The following DLG2 variants were observed in gnomAD, a reference collection of about 807,000 sequenced individuals.
DLG2 encodes the protein disks large homolog 2.
DLG2 carries 45 observed loss-of-function variants against 132.5 expected under a neutral mutation model. The observed-to-expected ratio is 0.34, with a 90% confidence interval of 0.27 to 0.44. The LOEUF (loss-of-function observed/expected upper bound fraction) is 0.44. DLG2 is among the 20% of genes least tolerant of loss of function. DLG2 has a pLI of 1.00. For synonymous variants in DLG2, 424 were observed against 419.6 expected (o/e 1.01, Z -0.13); for missense variants, 1,045 against 1,196.9 (o/e 0.87, Z 1.87).
rs995814012 is a variant in DLG2 at position 85,425,307 on chromosome 11, G to T, written c.41-139942C>A. 2.6e-5 allele frequency among the ~76,000 whole-genome samples: 4 copies of T among 151,888 alleles called. No homozygotes were observed. The South Asian group carries it at 6.2e-4, about 24-fold the overall frequency. On this transcript the variant is annotated intron_variant, in intron 3 of 27. Coordinates refer to ENST00000376104, the MANE Select transcript of DLG2 (RefSeq NM_001142699.3). ...AACATTTGCTCTATAAATGACAAAA[G>T]GTTAATACTTATAATTTTCAAAAAA...
At chr11:84,351,179 T>C (rs552928119) in intron 7 of DLG2, among the ~76,000 whole-genome samples, 4 of 152,280 alleles carry the variant, frequency 2.6e-5, no homozygotes, top group South Asian at 2.1e-4. Context: ...ATAACACTTA[T>C]CATGGTTTCT....
At chr11:84,477,466 A>C (rs939348183) in intron 7 of DLG2, among the ~76,000 whole-genome samples, 1 of 152,178 alleles carries the variant, frequency 6.6e-6, no homozygotes, top group South Asian at 2.1e-4. Flanking sequence ...TTGTACTCCA[A>C]CCTGGGCAAC....
At chr11:83,585,265 G>A (rs2097062285) in intron 19 of DLG2, among the ~76,000 whole-genome samples, 1 of 152,296 alleles carries the variant, frequency 6.6e-6, no homozygotes, top group Middle Eastern at 3.4e-3. Context: ...GTTAAGATCA[G>A]TTCCCCAACA....
chr11:84,354,675 C>G (rs1231292267), intron 7 of DLG2, among the ~76,000 whole-genome samples: 1 of 152,050 alleles, frequency 6.6e-6, no homozygotes, highest in Non-Finnish European at 1.5e-5. Context: ...CCTAGATCTA[C>G]CACTTTACAT....
At chr11:84,569,819 A>T (rs1036462112) in intron 6 of DLG2, among the ~76,000 whole-genome samples, 1 of 152,234 alleles carries the variant, frequency 6.6e-6, no homozygotes, top group Admixed American at 6.5e-5. Flanking sequence ...AAAGGAGAAG[A>T]CTGGGTCATT....
rs138176533 is a variant in DLG2, at chr11:84,233,223, T to C, written c.573+18015A>G. ...AGGTAACCATCAGGTGATGGTCAGG[T>C]AGTTAACCGCTACTCTAAAATAATA... On this transcript the variant is annotated intron_variant, in intron 8 of 27. Transcript: ENST00000376104. Among the ~76,000 whole-genome samples, 32 of 152,212 alleles carry C rather than the reference T, an allele frequency of 2.1e-4. No homozygotes were observed. In the East Asian group the frequency reaches 6.0e-3, roughly 29 times the overall value.
intron 18 of DLG2, among the ~76,000 whole-genome samples, chr11:83,639,313 CTA>C (rs1460091884): frequency 6.6e-6 from 1 of 152,130 alleles, no homozygotes. Context: ...GTTAGAAACT[CTA>C]TGTTATGGCT....
intron 7 of DLG2, among the ~76,000 whole-genome samples, chr11:84,505,016 A>G (rs1202691093): frequency 6.6e-6 from 1 of 152,182 alleles, no homozygotes; most frequent in African/African-American, 2.4e-5. Flanking sequence ...ACGTCAAATT[A>G]GTTCAAATTG....
chr11:85,116,970 T>C (rs1316774678), intron 5 of DLG2, among the ~76,000 whole-genome samples: 3 of 151,986 alleles, frequency 2.0e-5, no homozygotes, highest in Non-Finnish European at 4.4e-5. Flanking sequence ...TAACATAACT[T>C]CCTTGGGTTT....
intron 5 of DLG2, among the ~76,000 whole-genome samples, chr11:85,134,298 G>A (rs1252817292): frequency 6.7e-6 from 1 of 149,336 alleles, no homozygotes; most frequent in South Asian, 2.1e-4. Context: ...GGGAGGCCGA[G>A]GCGGGCGGAT....
chr11:85,136,871 T>C (rs570293498), intron 5 of DLG2, among the ~76,000 whole-genome samples: 36 of 152,246 alleles, frequency 2.4e-4, no homozygotes, highest in African/African-American at 7.7e-4. Flanking sequence ...ACAAAATCAA[T>C]ATTAGTGGAA....
intron 6 of DLG2, among the ~76,000 whole-genome samples, chr11:85,045,827 G>T (rs913608385): frequency 6.6e-6 from 1 of 152,038 alleles, no homozygotes; most frequent in African/African-American, 2.4e-5. Flanking sequence ...AGAAGGCAAG[G>T]CATTTTGGAA....
intron 8 of DLG2, among the ~76,000 whole-genome samples, chr11:84,197,978 AT>A (rs990958720): frequency 2.0e-5 from 3 of 152,160 alleles, no homozygotes; most frequent in Admixed American, 6.5e-5. Context: ...TTTAAAAAGT[AT>A]TTTTTTAAAT....
intron 6 of DLG2, among the ~76,000 whole-genome samples, chr11:84,761,129 A>G (rs961423995): frequency 2.6e-5 from 4 of 152,212 alleles, no homozygotes; most frequent in Admixed American, 6.5e-5. Context: ...AAGCTGAAAC[A>G]GCTTGGTAAC....
Position 84,065,963 on chromosome 11 carries a change from G to C in DLG2, c.750-6479C>G, listed in dbSNP as rs551800661. ...CATTATCCTAAGCAATCTAACACAGGAACAGAAAACCAAATACTCCATGAT... is the reference window on the plus strand; with the variant it reads ...CATTATCCTAAGCAATCTAACACAGCAACAGAAAACCAAATACTCCATGAT... On this transcript the variant is annotated intron_variant, in intron 10 of 27. Transcript: ENST00000376104. 7.4e-4 allele frequency among the ~76,000 whole-genome samples: 112 copies of C among 152,242 alleles called. 1 individual carries two copies. The highest frequency in any genetic ancestry group is 2.7e-3 in the African/African-American group (111 of 41,548).
chr11:85,118,573 G>A (rs2073941183), intron 5 of DLG2, among the ~76,000 whole-genome samples: 1 of 152,018 alleles, frequency 6.6e-6, no homozygotes, highest in South Asian at 2.1e-4. Flanking sequence ...TATCAATGGG[G>A]AGAGGACAGC....
chr11:84,751,983 T>G (rs2066173698), intron 6 of DLG2, among the ~76,000 whole-genome samples: 1 of 152,190 alleles, frequency 6.6e-6, no homozygotes, highest in African/African-American at 2.4e-5. Context: ...TCTTCTCCAG[T>G]AGCAAGGTAA....
chr11:84,237,610 G>C (rs1044965404), intron 8 of DLG2, among the ~76,000 whole-genome samples: 1 of 152,118 alleles, frequency 6.6e-6, no homozygotes, highest in African/African-American at 2.4e-5. Context: ...TTCATGAAGA[G>C]GAAACTATAC....
intron 8 of DLG2, among the ~76,000 whole-genome samples, chr11:84,203,040 T>C (rs989989409): frequency 1.3e-5 from 2 of 152,164 alleles, no homozygotes; most frequent in African/African-American, 4.8e-5. Context: ...TCAACTGTTG[T>C]GGAAGACACT....
Sources: gnomAD v4.1 joint callset for allele counts (sites outside exome capture counted in the v4.1 genomes callset) on GRCh38, gnomAD v4.1.1 for gene constraint, MANE v1.5 for transcripts, NCBI Gene and HGNC (gene_info 2026-07-23, HGNC 2026-07-21) for gene names.